GLYATL2: variants seen among roughly 807,000 people sequenced by gnomAD.
GLYATL2 encodes glycine-N-acyltransferase like 2.
Under a neutral mutation model 21.4 loss-of-function variants are expected in GLYATL2, and 25 were observed. The ratio of observed to expected loss-of-function variants is 1.17; its 90% confidence interval spans 0.85 to 1.63. The LOEUF (loss-of-function observed/expected upper bound fraction) is 1.63. Among genes scored for constraint, GLYATL2 ranks in the 40% most tolerant of loss-of-function variants. The probability of loss-of-function intolerance (pLI) is 0.00; values close to 1 mark genes in which losing one functional copy is unlikely to be tolerated. For synonymous variants in GLYATL2, 114 were observed against 118.2 expected (o/e 0.96, Z 0.23); for missense variants, 361 against 343.3 (o/e 1.05, Z -0.41).
At chr11:58,893,695 G>A (rs1050326538) in intron 1 of GLYATL2, among the ~76,000 whole-genome samples, 6 of 152,142 alleles carry the variant, frequency 3.9e-5, no homozygotes, top group Non-Finnish European at 8.8e-5. Flanking sequence ...GTGTTGTAGG[G>A]AAGGAAGGGG....
intron 3 of GLYATL2, among the ~76,000 whole-genome samples, chr11:58,837,720 A>G (rs1317462927): frequency 6.6e-6 from 1 of 152,198 alleles, no homozygotes. Context: ...AAATATAAAG[A>G]ACAGGTTTGG....
intron 1 of GLYATL2, among the ~76,000 whole-genome samples, chr11:58,887,740 C>G (rs192753500): frequency 1.3e-5 from 2 of 152,286 alleles, no homozygotes; most frequent in East Asian, 1.9e-4. Flanking sequence ...CAGTCATTCT[C>G]TTGCTGTTGG....
intron 1 of GLYATL2, among the ~76,000 whole-genome samples, chr11:58,871,390 C>T (rs1854116142): frequency 6.6e-6 from 1 of 151,758 alleles, no homozygotes; most frequent in African/African-American, 2.4e-5. Context: ...CCCATTAACT[C>T]ATCATTTAGC....
At chr11:58,872,446 T>G (rs1330277309) in intron 1 of GLYATL2, among the ~76,000 whole-genome samples, 1 of 152,254 alleles carries the variant, frequency 6.6e-6, no homozygotes, top group Non-Finnish European at 1.5e-5. Context: ...TAATCCATCT[T>G]GAATTGATTT....
intron 1 of GLYATL2, among the ~76,000 whole-genome samples, chr11:58,896,753 T>C (rs1445908424): frequency 2.0e-5 from 3 of 152,262 alleles, no homozygotes; most frequent in Non-Finnish European, 4.4e-5. Flanking sequence ...TGTTTTTATT[T>C]TAACGGTTTC....
chr11:58,897,572 C>T (rs1854656265), intron 1 of GLYATL2, among the ~76,000 whole-genome samples: 1 of 152,066 alleles, frequency 6.6e-6, no homozygotes, highest in Admixed American at 6.6e-5. Context: ...CACACACACA[C>T]ATAAATGCAC....
intron 1 of GLYATL2, among the ~76,000 whole-genome samples, chr11:58,853,066 A>G (rs1372454420): frequency 1.3e-5 from 2 of 152,164 alleles, no homozygotes; most frequent in Non-Finnish European, 2.9e-5. Flanking sequence ...ATTTATTCAA[A>G]CATAGTTTTA....
chr11:58,848,820 A>G (rs1853688739), upstream of GLYATL2, among the ~76,000 whole-genome samples: 1 of 152,194 alleles, frequency 6.6e-6, no homozygotes, highest in Admixed American at 6.5e-5. Flanking sequence ...ACTTCCCCAT[A>G]CCAGAGAAAG....
At chr11:58,880,138 G>A (rs1016371937) in intron 1 of GLYATL2, among the ~76,000 whole-genome samples, 4 of 151,514 alleles carry the variant, frequency 2.6e-5, no homozygotes, top group East Asian at 1.9e-4. Flanking sequence ...GATTACAGGC[G>A]TGAGCCACCG....
chr11:58,894,181 T>C (rs1854594783), intron 1 of GLYATL2, among the ~76,000 whole-genome samples: 1 of 152,162 alleles, frequency 6.6e-6, no homozygotes, highest in Non-Finnish European at 1.5e-5. Flanking sequence ...CGCTTGGTGT[T>C]TGCAGCACTG....
At chr11:58,903,244 G>A (rs988942367) in intron 1 of GLYATL2, among the ~76,000 whole-genome samples, 2 of 152,164 alleles carry the variant, frequency 1.3e-5, no homozygotes, top group African/African-American at 2.4e-5. Flanking sequence ...GACAAGAGTG[G>A]TTCAAGGGGA....
At chr11:58,838,836 G>C (rs543168192) in intron 2 of GLYATL2, among the ~76,000 whole-genome samples, 2 of 152,162 alleles carry the variant, frequency 1.3e-5, no homozygotes, top group African/African-American at 4.8e-5. Context: ...TGTATATGGT[G>C]GTGTAGGATC....
upstream of GLYATL2, among the ~76,000 whole-genome samples, chr11:58,846,541 A>G (rs762075016): frequency 5.3e-5 from 8 of 151,708 alleles, no homozygotes; most frequent in Non-Finnish European, 7.3e-5. Context: ...GAACACAGCA[A>G]TTATGAGGCA....
At chr11:58,882,932 G>A (rs1854367080) in intron 1 of GLYATL2, among the ~76,000 whole-genome samples, 1 of 152,022 alleles carries the variant, frequency 6.6e-6, no homozygotes, top group Non-Finnish European at 1.5e-5. Context: ...TCTCTGTTTT[G>A]GTGCCATGCT....
intron 1 of GLYATL2, among the ~76,000 whole-genome samples, chr11:58,893,673 G>A (rs2226794): frequency 0.88 from 133,955 of 152,132 alleles, 60,329 homozygotes; most frequent in Non-Finnish European, 0.98. Context: ...TATAGTCTTT[G>A]AATATGCATA....
Position 58,865,824 on chromosome 11 carries a change from G to A in GLYATL2, n.61-27456C>T, listed in dbSNP as rs796917312. ...AGCAAATAATGAAAGCTAAATTTGG[G>A]GTAGAAAAATGGTGAACAAAAGATG... On this transcript the variant is annotated intron_variant and non_coding_transcript_variant, in intron 1 of 4. Transcript: ENST00000533636. Among the ~76,000 whole-genome samples, 16 of 148,688 alleles carry A rather than the reference G, an allele frequency of 1.1e-4. 1 individual carries two copies. Among genetic ancestry groups the A allele is most frequent in the African/African-American group, 3.4e-4 (14 of 41,282 alleles).
At chr11:58,881,535 C>A (rs1854333993) in intron 1 of GLYATL2, among the ~76,000 whole-genome samples, 1 of 152,040 alleles carries the variant, frequency 6.6e-6, no homozygotes, top group African/African-American at 2.4e-5. Flanking sequence ...TAAAGAAAAT[C>A]TGTGCCAACT....
Position 58,841,480 on chromosome 11 carries a change from G to A in GLYATL2, c.-40-1828C>T, listed in dbSNP as rs182585752. Among the ~76,000 whole-genome samples the A allele has an allele frequency of 4.2e-3, 643 of 152,262 alleles. 4 individuals are homozygous for A. Among genetic ancestry groups the A allele is most frequent in the African/African-American group, 0.015 (611 of 41,548 alleles). On this transcript the variant is annotated intron_variant, in intron 1 of 5. Transcript: ENST00000287275. ...GGTATGTGAAGTGTTTAGCATGGTGGTAATTTGTGTATATACAAGGTTCTG... is the reference window on the plus strand; with the variant it reads ...GGTATGTGAAGTGTTTAGCATGGTGATAATTTGTGTATATACAAGGTTCTG...
intron 1 of GLYATL2, among the ~76,000 whole-genome samples, chr11:58,877,583 G>T (rs1268165819): frequency 6.6e-6 from 1 of 152,222 alleles, no homozygotes; most frequent in Non-Finnish European, 1.5e-5. Flanking sequence ...AGTAACAAGT[G>T]AAGTTAAAGG....
Sources: gnomAD v4.1 joint callset for allele counts (sites outside exome capture counted in the v4.1 genomes callset) on GRCh38, gnomAD v4.1.1 for gene constraint, MANE v1.5 for transcripts, NCBI Gene and HGNC (gene_info 2026-07-23, HGNC 2026-07-21) for gene names.